TMEM132C: variants seen among roughly 807,000 people sequenced by gnomAD.
TMEM132C encodes the protein transmembrane protein 132C, also known as protein phosphatase 1, regulatory subunit 152.
Under a neutral mutation model 61.4 loss-of-function variants are expected in TMEM132C, and 29 were observed. The observed-to-expected ratio is 0.47, with a 90% CI of 0.35 to 0.64. The LOEUF is 0.64. Among genes scored for constraint, TMEM132C ranks in the 30% least tolerant of loss-of-function variants. The pLI, the probability that TMEM132C is intolerant of heterozygous loss-of-function variation, is 0.00. For missense variants in TMEM132C, 1,408 were observed against 1,476.9 expected (o/e 0.95, Z 0.76); for synonymous variants, 656 against 633.1 (o/e 1.04, Z -0.54).
intron 2 of TMEM132C, among the ~76,000 whole-genome samples, chr12:128,491,730 G>C (rs1871730634): frequency 6.6e-6 from 1 of 152,056 alleles, no homozygotes; most frequent in Admixed American, 6.6e-5. Context: ...TCTTTCTCAA[G>C]GACGAGGTTG....
chr12:128,339,927 G>A (rs1872903250), intron 1 of TMEM132C, among the ~76,000 whole-genome samples: 2 of 152,144 alleles, frequency 1.3e-5, no homozygotes, highest in Non-Finnish European at 2.9e-5. Context: ...ACCATTCCTG[G>A]CCACCTTTCT....
intron 3 of TMEM132C, among the ~76,000 whole-genome samples, chr12:128,564,315 G>A (rs1318428878): frequency 1.3e-5 from 2 of 152,182 alleles, no homozygotes; most frequent in African/African-American, 4.8e-5. Context: ...CAACACCTTT[G>A]TGTTGAGAAA....
At chr12:128,626,831 T>A (rs1439695222) in intron 4 of TMEM132C, among the ~76,000 whole-genome samples, 1 of 152,158 alleles carries the variant, frequency 6.6e-6, no homozygotes, top group Non-Finnish European at 1.5e-5. Flanking sequence ...TGAGAAAAGA[T>A]TCTCAGACCT....
intron 3 of TMEM132C, among the ~76,000 whole-genome samples, chr12:128,567,429 GACACAC>G (rs140541188): frequency 0.061 from 8,261 of 136,254 alleles, 268 homozygotes; most frequent in African/African-American, 0.075. Context: ...CATACCCATA[GACACAC>G]ACACACACAC....
At chr12:128,492,869 T>C (rs1213822009) in intron 2 of TMEM132C, among the ~76,000 whole-genome samples, 1 of 152,254 alleles carries the variant, frequency 6.6e-6, no homozygotes. Flanking sequence ...GTCCCATTTG[T>C]CAATTTTGGC....
intron 2 of TMEM132C, among the ~76,000 whole-genome samples, chr12:128,434,177 A>C (rs747686166): frequency 3.9e-5 from 6 of 152,232 alleles, no homozygotes; most frequent in Non-Finnish European, 7.3e-5. Flanking sequence ...ACAATGCTTA[A>C]CCAACAGTAG....
chr12:128,271,266 A>T (rs868091290), intron 1 of TMEM132C, among the ~76,000 whole-genome samples: 1 of 85,912 alleles, frequency 1.2e-5, no homozygotes. Flanking sequence ...AATAATAATA[A>T]TATAATAATA....
intron 2 of TMEM132C, among the ~76,000 whole-genome samples, chr12:128,532,956 C>T (rs139011481): frequency 3.0e-4 from 45 of 152,330 alleles, no homozygotes; most frequent in African/African-American, 1.0e-3. Context: ...CTTTGGAATA[C>T]TGAAAACCCA....
intron 1 of TMEM132C, among the ~76,000 whole-genome samples, chr12:128,315,899 G>GAGA (rs1872136082): frequency 6.6e-6 from 1 of 151,912 alleles, no homozygotes; most frequent in Non-Finnish European, 1.5e-5. Context: ...CCGAAGCCAG[G>GAGA]AGAACGGCAT....
chr12:128,643,559 A>T (rs547457420), intron 4 of TMEM132C, among the ~76,000 whole-genome samples: 1 of 152,160 alleles, frequency 6.6e-6, no homozygotes, highest in Admixed American at 6.5e-5. Flanking sequence ...GGGCCCCAAA[A>T]ATCTCAGTAT....
chr12:128,398,859 A>G (rs923440938), intron 1 of TMEM132C, among the ~76,000 whole-genome samples: 1 of 152,120 alleles, frequency 6.6e-6, no homozygotes, highest in African/African-American at 2.4e-5. Context: ...AGGATAAAAG[A>G]TTTCACCTTC....
At chr12:128,498,681 A>G (rs1320361648) in intron 2 of TMEM132C, among the ~76,000 whole-genome samples, 1 of 152,198 alleles carries the variant, frequency 6.6e-6, no homozygotes, top group East Asian at 1.9e-4. Context: ...AAAAAGAAAA[A>G]AAAAGAATCT....
At chr12:128,325,102 G>A (rs956805861) in intron 1 of TMEM132C, among the ~76,000 whole-genome samples, 1 of 152,214 alleles carries the variant, frequency 6.6e-6, no homozygotes. Context: ...CAGAAGGGCA[G>A]CGGCTGCCCA....
chr12:128,462,978 A>G (rs1369892872), intron 2 of TMEM132C, among the ~76,000 whole-genome samples: 1 of 152,096 alleles, frequency 6.6e-6, no homozygotes, highest in Non-Finnish European at 1.5e-5. Flanking sequence ...CCAGGCTTTG[A>G]TTCTTGTATC....
chr12:128,585,558 G>A (rs955370570), intron 3 of TMEM132C, among the ~76,000 whole-genome samples: 5 of 152,390 alleles, frequency 3.3e-5, no homozygotes, highest in African/African-American at 1.2e-4. Context: ...TGGCATTGGG[G>A]AATGGTCAGA....
chr12:128,425,659 A>G (rs574072699), intron 2 of TMEM132C, among the ~76,000 whole-genome samples: 3 of 152,288 alleles, frequency 2.0e-5, no homozygotes, highest in South Asian at 4.1e-4. Context: ...CAGCAAGGCC[A>G]TGCTCCCTCC....
At chr12:128,524,763 C>G (rs1008621463) in intron 2 of TMEM132C, among the ~76,000 whole-genome samples, 3 of 152,146 alleles carry the variant, frequency 2.0e-5, no homozygotes, top group Non-Finnish European at 2.9e-5. Context: ...GCCATGTCTC[C>G]CTGTAGGTAA....
intron 1 of TMEM132C, among the ~76,000 whole-genome samples, chr12:128,403,079 A>T (rs141116191): frequency 6.6e-6 from 1 of 152,212 alleles, no homozygotes; most frequent in South Asian, 2.1e-4. Context: ...TCAGCAAAGG[A>T]TATTCAGGCT....
chr12:128,614,645 T>TA (rs1320226352), intron 3 of TMEM132C, among the ~76,000 whole-genome samples: 1 of 152,158 alleles, frequency 6.6e-6, no homozygotes, highest in African/African-American at 2.4e-5. Flanking sequence ...TTTTATCATC[T>TA]AAAAAATGAA....
Sources: gnomAD v4.1 joint callset for allele counts (sites outside exome capture counted in the v4.1 genomes callset) on GRCh38, gnomAD v4.1.1 for gene constraint, MANE v1.5 for transcripts, NCBI Gene and HGNC (gene_info 2026-07-23, HGNC 2026-07-21) for gene names.